CALCOCO2: variants seen among roughly 807,000 people sequenced by gnomAD.
CALCOCO2 encodes the protein calcium-binding and coiled-coil domain-containing protein 2.
In CALCOCO2, 42 loss-of-function variants were observed where a neutral mutation model predicts 62.5. The ratio of observed to expected loss-of-function variants is 0.67; its 90% CI spans 0.53 to 0.87. The LOEUF (loss-of-function observed/expected upper bound fraction) is 0.87. Among genes scored for constraint, CALCOCO2 ranks in the 40% least tolerant of loss-of-function variants. The probability of loss-of-function intolerance (pLI) is 0.00; values close to 1 mark genes in which losing one functional copy is unlikely to be tolerated. For missense variants in CALCOCO2, 456 were observed against 515.0 expected (o/e 0.89, Z 1.11); for synonymous variants, 167 against 173.0 (o/e 0.97, Z 0.27).
chr17:48,857,401 T>C (rs1237880482), intron 10 of CALCOCO2, among the ~76,000 whole-genome samples: 1 of 151,000 alleles, frequency 6.6e-6, no homozygotes. Flanking sequence ...TTCTCCATGT[T>C]GGTCAGGCTG....
intron 1 of CALCOCO2, among the ~76,000 whole-genome samples, chr17:48,836,069 G>C (rs1312034172): frequency 1.3e-5 from 2 of 152,056 alleles, no homozygotes; most frequent in Non-Finnish European, 2.9e-5. Flanking sequence ...TGTTTTTCTG[G>C]TAATGAAAGA....
At chr17:48,857,996 A>G (rs1188206782) in intron 10 of CALCOCO2, among the ~76,000 whole-genome samples, 2 of 19,858 alleles carry the variant, frequency 1.0e-4, no homozygotes, top group Admixed American at 6.0e-4. Context: ...ATAGAATAGA[A>G]TAGAATAGAA....
chr17:48,850,332 C>G (rs1020803079), intron 5 of CALCOCO2, among the ~76,000 whole-genome samples: 1 of 151,918 alleles, frequency 6.6e-6, no homozygotes, highest in African/African-American at 2.4e-5. Context: ...TGGCATGCGC[C>G]TGTAATCCCG....
intron 11 of CALCOCO2, 68 bp downstream of exon 11, chr17:48,860,517 T>TG: frequency 6.8e-7 from 1 of 1,477,810 alleles, no homozygotes; most frequent in Non-Finnish European, 9.4e-7. Context: ...TAAATTTTTG[T>TG]TTCTGAGGTG....
At chr17:48,857,440 AC>A (rs1443351246) in intron 10 of CALCOCO2, among the ~76,000 whole-genome samples, 2 of 107,958 alleles carry the variant, frequency 1.9e-5, no homozygotes, top group East Asian at 2.9e-4. Flanking sequence ...GAGGTGATCC[AC>A]CCGCCTTGGC....
intron 2 of CALCOCO2, chr17:48,843,878 A>G (rs1373396567): frequency 2.0e-5 from 3 of 152,102 alleles, no homozygotes; most frequent in Admixed American, 1.3e-4. Flanking sequence ...AACTGGATTT[A>G]ATTTAATTTA....
At chr17:48,846,484 C>A in intron 2 of CALCOCO2, 1 of 1,498,378 alleles carries the variant, frequency 6.7e-7, no homozygotes, top group Non-Finnish European at 9.0e-7. Context: ...AAGAACTACT[C>A]AAATGGAGGA....
At chr17:48,856,449 TG>T in intron 10 of CALCOCO2, 1 of 471,366 alleles carries the variant, frequency 2.1e-6, no homozygotes, top group Non-Finnish European at 4.1e-6. Context: ...AACTTATTTT[TG>T]CTTTTAACTT....
At chr17:48,835,823 C>G (rs2039883664) in intron 1 of CALCOCO2, among the ~76,000 whole-genome samples, 1 of 151,692 alleles carries the variant, frequency 6.6e-6, no homozygotes, top group South Asian at 2.1e-4. Context: ...AATCTCGGCT[C>G]ACTGCAACCT....
Position 48,848,109 on chromosome 17 carries a change from A to G in CALCOCO2, c.226A>G (p.Thr76Ala), listed in dbSNP as rs2040077127. The G allele has an allele frequency of 1.2e-6, 2 of 1,613,736 alleles. No homozygotes were observed. The highest frequency in any genetic ancestry group is 1.7e-4 in the Middle Eastern group (1 of 6,060). ...TGAGTATTACACCTTCATGTGGGTT[A>G]CTTTGCCCATTGACCTAAACAACAA... ...TREYYTFMWV[T>A]LPIDLNNKSA... The change falls in exon 3 of 13, where the codon ACT becomes GCT. Residue 76 changes from threonine to alanine, a missense_variant. Physicochemically the swap from Thr to Ala is moderately conservative, Grantham distance 58. Transcript: ENST00000258947.
At chr17:48,835,469 T>C (rs1368245904) in intron 1 of CALCOCO2, among the ~76,000 whole-genome samples, 1 of 152,202 alleles carries the variant, frequency 6.6e-6, no homozygotes, top group Non-Finnish European at 1.5e-5. Flanking sequence ...GGATGCCCTC[T>C]GAGTCCCTTC....
intron 12 of CALCOCO2, among the ~76,000 whole-genome samples, chr17:48,862,631 A>G (rs1372836451): frequency 6.6e-6 from 1 of 152,218 alleles, no homozygotes; most frequent in Non-Finnish European, 1.5e-5. Context: ...TATTTCAGCA[A>G]TATTAGGCCA....
In CALCOCO2 at chr17:48,852,555, A is replaced by T. The variant is rs1444151677; in HGVS notation, c.752A>T (p.Asp251Val). 6.2e-7 allele frequency: 1 copy of T among 1,613,494 alleles called. No individual in the cohort carries two copies. Among genetic ancestry groups the T allele is most frequent in the Non-Finnish European group, 8.5e-7 (1 of 1,179,528 alleles). ...EKEMEKLVQG[D>V]QDKTEQLEQL... ...GAAATGGAGAAGCTTGTTCAGGGAG[A>T]TCAAGATAAGACAGAGCAGTTAGAG... Residue 251 changes from aspartate (D) to valine (V), a missense_variant, in exon 8 of 13, where the codon GAT becomes GTT. Physicochemically the swap from Asp to Val is radical, Grantham distance 152. This residue lies in a region of CALCOCO2 where 236 missense variants were observed against 225.3 expected (regional missense o/e 1.05). Transcript: ENST00000258947.
chr17:48,844,531 T>G (rs913450120), intron 2 of CALCOCO2, among the ~76,000 whole-genome samples: 5 of 151,630 alleles, frequency 3.3e-5, no homozygotes, highest in Non-Finnish European at 7.4e-5. Context: ...CTTGGCTCAC[T>G]GCAACCTCTG....
In CALCOCO2 at chr17:48,851,590, G is replaced by A. The variant is rs118148373; in HGVS notation, c.664G>A (p.Glu222Lys). The part of the protein sequence containing the change: ...LKEQNQKMSS[E>K]NEKMGIRVDQ... ...AGAACAAAACCAGAAGATGTCCTCA[G>A]AAAATGAGAAGATGGGAATCAGAGT... The change falls in exon 7 of 13, where the codon GAA becomes AAA. Residue 222 changes from glutamate to lysine, a missense_variant. Glu to Lys is a moderately conservative substitution (Grantham distance 56, BLOSUM62 1). Transcript: ENST00000258947. The A allele has an allele frequency of 8.1e-3, 12,927 of 1,603,772 alleles. 81 individuals carry two copies. Among genetic ancestry groups the A allele is most frequent in the Non-Finnish European group, 0.01 (11,977 of 1,170,484 alleles).
intron 1 of CALCOCO2, among the ~76,000 whole-genome samples, chr17:48,834,186 G>A (rs945655349): frequency 6.6e-6 from 1 of 151,562 alleles, no homozygotes; most frequent in African/African-American, 2.4e-5. Flanking sequence ...AGACATAAGA[G>A]GATCTATGTC....
chr17:48,851,684 A>G, intron 7 of CALCOCO2, 56 bp downstream of exon 7: 1 of 990,070 alleles, frequency 1.0e-6, no homozygotes, highest in East Asian at 2.4e-5. Context: ...CCACTGCTCC[A>G]ATTTGGTGGC....
chr17:48,848,508 A>G (rs1171855770), intron 4 of CALCOCO2, 53 bp downstream of exon 4: 2 of 1,535,860 alleles, frequency 1.3e-6, no homozygotes, highest in Non-Finnish European at 1.8e-6. Flanking sequence ...GTAGCAATAT[A>G]GGATAGGATG....
chr17:48,837,479 T>A (rs1015263115), intron 1 of CALCOCO2, among the ~76,000 whole-genome samples: 6 of 152,070 alleles, frequency 3.9e-5, no homozygotes, highest in African/African-American at 1.4e-4. Flanking sequence ...ACCCCCTCTG[T>A]ACTAAAAATA....
Sources: allele counts gnomAD v4.1 joint callset (sites outside exome capture counted in the v4.1 genomes callset), GRCh38; gene constraint gnomAD v4.1.1; regional missense constraint gnomAD v4.1.1; transcripts MANE v1.5; gene names NCBI Gene and HGNC (gene_info 2026-07-23, HGNC 2026-07-21).